EVI5: variants seen among roughly 807,000 people sequenced by gnomAD.
The protein encoded by EVI5 is ecotropic viral integration site 5 protein homolog.
A neutral mutation model predicts 112.0 loss-of-function variants in EVI5; 73 were observed. That is an observed-to-expected ratio of 0.65 (90% CI 0.54 to 0.79). EVI5 has a LOEUF of 0.79. Among genes scored for constraint, EVI5 ranks in the 30% least tolerant of loss-of-function variants. EVI5 has a pLI of 0.00. For synonymous variants in EVI5, 305 were observed against 319.9 expected (o/e 0.95, Z 0.50); for missense variants, 900 against 968.8 (o/e 0.93, Z 0.94).
At chr1:92,785,149 C>T, upstream of EVI5, 2 of 981,042 alleles carry the variant, frequency 2.0e-6, no homozygotes. Context: ...ACCCGGCAGC[C>T]TCTACCGCAG....
At chr1:92,612,913 G>A (rs1049365058) in intron 16 of EVI5, among the ~76,000 whole-genome samples, 2 of 152,096 alleles carry the variant, frequency 1.3e-5, no homozygotes, top group Non-Finnish European at 2.9e-5. Context: ...AGGCGCAGGA[G>A]GCAGCAGACT....
At chr1:92,738,319 A>G (rs1677785295) in intron 1 of EVI5, among the ~76,000 whole-genome samples, 1 of 152,172 alleles carries the variant, frequency 6.6e-6, no homozygotes, top group African/African-American at 2.4e-5. Flanking sequence ...AGCACACTCT[A>G]ATATTTAAAA....
At chr1:92,619,451 T>C (rs1316732666) in intron 16 of EVI5, among the ~76,000 whole-genome samples, 2 of 151,492 alleles carry the variant, frequency 1.3e-5, no homozygotes, top group South Asian at 4.2e-4. Flanking sequence ...CTCCCATATA[T>C]ATATATATAT....
At chr1:92,624,552 A>G (rs935292964) in intron 15 of EVI5, among the ~76,000 whole-genome samples, 1 of 151,932 alleles carries the variant, frequency 6.6e-6, no homozygotes, top group African/African-American at 2.4e-5. Context: ...TTAAGATAGA[A>G]TTTATTGGCC....
intron 1 of EVI5, among the ~76,000 whole-genome samples, chr1:92,763,427 T>C (rs2103001554): frequency 6.6e-6 from 1 of 152,194 alleles, no homozygotes; most frequent in East Asian, 1.9e-4. Context: ...GCAGGCACGG[T>C]GGCTCACACC....
chr1:92,607,086 G>C (rs1650588860), intron 17 of EVI5, among the ~76,000 whole-genome samples: 1 of 152,172 alleles, frequency 6.6e-6, no homozygotes, highest in Middle Eastern at 3.4e-3. Flanking sequence ...GTATATAACT[G>C]ATTAAAATAA....
chr1:92,697,974 T>C lies in EVI5; in HGVS notation c.651A>G (p.Glu217=), dbSNP rs1325082963. The C allele has an allele frequency of 3.1e-6, 5 of 1,611,418 alleles. No homozygotes were observed. The highest frequency in any genetic ancestry group is 1.3e-5 in the African/African-American group (1 of 74,998). Residue 217 remains glutamate, a synonymous_variant, in exon 6 of 20, where the codon GAA becomes GAG. Transcript: ENST00000684568. ...ATTTAACAAATACACAGAAAGCTTC[T>C]TCTTCTGGCATCTACATTGGAAGAA... ...VGLLLMQMPE[E]EAFCVFVKLM... is the part of the protein sequence containing the mutation.
At chr1:92,649,799 AG>A (rs765513570) in intron 13 of EVI5, among the ~76,000 whole-genome samples, 1 of 152,230 alleles carries the variant, frequency 6.6e-6, no homozygotes, top group Non-Finnish European at 1.5e-5. Context: ...CGACAGAGAA[AG>A]ACCCTGCCTA....
At chr1:92,784,494 T>C (rs1452234245) in intron 1 of EVI5, 1 of 929,992 alleles carries the variant, frequency 1.1e-6, no homozygotes, top group East Asian at 1.2e-4. Flanking sequence ...GCCTCGAGGG[T>C]GGGGTGCAGG....
chr1:92,715,157 C>T (rs1209639940), intron 2 of EVI5, among the ~76,000 whole-genome samples: 2 of 152,070 alleles, frequency 1.3e-5, no homozygotes, highest in African/African-American at 4.8e-5. Context: ...AGGTGCCTGC[C>T]ACCATGTCCA....
At chr1:92,729,521 C>A (rs1414053885) in intron 2 of EVI5, among the ~76,000 whole-genome samples, 2 of 152,138 alleles carry the variant, frequency 1.3e-5, no homozygotes, top group African/African-American at 4.8e-5. Flanking sequence ...AACACAGATG[C>A]AAATACATTC....
chr1:92,781,494 G>GA (rs201433647), intron 1 of EVI5, among the ~76,000 whole-genome samples: 421 of 141,630 alleles, frequency 3.0e-3, no homozygotes, highest in African/African-American at 9.2e-3. Flanking sequence ...GACCCTGTCT[G>GA]AAAAAAAAAA....
chr1:92,673,185 C>T lies in EVI5; in HGVS notation c.1158+3973G>A, dbSNP rs199692895. On this transcript the variant is annotated intron_variant, in intron 10 of 19. Coordinates refer to ENST00000684568, the MANE Select transcript of EVI5 (RefSeq NM_001350197.2). ...CCTGGGCAACTTAGATAACACTTCT[C>T]TTTTTTTTTTTTTTTTTCATTTTTA... 1.1e-3 allele frequency among the ~76,000 whole-genome samples: 136 copies of T among 123,534 alleles called. 1 individual carries two copies. The highest frequency in any genetic ancestry group is 4.3e-3 in the Middle Eastern group (1 of 234). The allele number at this position is 123,534 out of a possible 152,430, so 81.0% of individuals were successfully genotyped here.
At chr1:92,576,667 ATACAAATT>A (rs1190169611) in intron 18 of EVI5, among the ~76,000 whole-genome samples, 9 of 152,222 alleles carry the variant, frequency 5.9e-5, no homozygotes, top group African/African-American at 2.2e-4. Context: ...TGATTTTTAC[ATACAAATT>A]TACCTGTAGT....
intron 14 of EVI5, among the ~76,000 whole-genome samples, chr1:92,631,845 G>A (rs1435656694): frequency 6.6e-6 from 1 of 152,154 alleles, no homozygotes; most frequent in Non-Finnish European, 1.5e-5. Context: ...ATGATTTTGA[G>A]ATACGTCCCA....
At chr1:92,564,168 T>C (rs1669065903) in intron 18 of EVI5, among the ~76,000 whole-genome samples, 1 of 152,142 alleles carries the variant, frequency 6.6e-6, no homozygotes, top group African/African-American at 2.4e-5. Context: ...GGTGTGATTA[T>C]TTCTTTAAAA....
chr1:92,592,087 C>A (rs1674044354), intron 18 of EVI5, among the ~76,000 whole-genome samples: 2 of 151,990 alleles, frequency 1.3e-5, no homozygotes, highest in Admixed American at 1.3e-4. Flanking sequence ...ACTAAAAATA[C>A]AAAAAATTAG....
intron 18 of EVI5, among the ~76,000 whole-genome samples, chr1:92,604,164 G>T (rs780392046): frequency 8.6e-5 from 13 of 151,702 alleles, no homozygotes; most frequent in Non-Finnish European, 1.8e-4. Context: ...AGCCTGGCCA[G>T]CAAAGGGAGA....
At chr1:92,585,050 C>G (rs1380876780) in intron 18 of EVI5, among the ~76,000 whole-genome samples, 1 of 151,868 alleles carries the variant, frequency 6.6e-6, no homozygotes, top group African/African-American at 2.4e-5. Context: ...GTGGTGAAAC[C>G]CCATCTCTAT....
Sources: gnomAD v4.1 joint callset for allele counts (sites outside exome capture counted in the v4.1 genomes callset) on GRCh38, gnomAD v4.1.1 for gene constraint, MANE v1.5 for transcripts, NCBI Gene and HGNC (gene_info 2026-07-23, HGNC 2026-07-21) for gene names.